Variants in ZFHX3 observed in about 807,000 individuals in gnomAD.
ZFHX3 encodes zinc finger homeobox 3.
In ZFHX3, 42 loss-of-function variants were observed where a neutral mutation model predicts 279.1. The observed-to-expected ratio is 0.15, with a 90% CI of 0.12 to 0.19. The LOEUF (loss-of-function observed/expected upper bound fraction) is 0.19, where lower values mean the gene tolerates loss of function less well. Among genes scored for constraint, ZFHX3 ranks in the 10% least tolerant of loss-of-function variants. The probability of loss-of-function intolerance (pLI) is 1.00; values close to 1 mark genes in which losing one functional copy is unlikely to be tolerated. For missense variants in ZFHX3, 4,981 were observed against 4,754.0 expected, an observed-to-expected ratio of 1.05 and a Z score of -1.40; for synonymous variants, 2,293 against 1,957.8, an observed-to-expected ratio of 1.17 and a Z score of -4.52.
chr16:73,415,203 T>C (rs541341624), intron 3 of ZFHX3, among the ~76,000 whole-genome samples: 145 of 152,324 alleles, frequency 9.5e-4, no homozygotes, highest in Middle Eastern at 3.4e-3. Flanking sequence ...TAATTTCTAA[T>C]TGTATATTTA....
intron 1 of ZFHX3, among the ~76,000 whole-genome samples, chr16:72,971,040 T>A (rs73592761): frequency 0.19 from 28,406 of 152,136 alleles, 2,927 homozygotes; most frequent in Non-Finnish European, 0.23. Context: ...TTTCGGGCTT[T>A]TTTCCTCTGC....
intron 5 of ZFHX3, among the ~76,000 whole-genome samples, chr16:73,243,741 G>A (rs982554710): frequency 7.6e-5 from 11 of 145,242 alleles, no homozygotes; most frequent in African/African-American, 2.1e-4. Context: ...TATCCAACAC[G>A]TTTTGTGTGT....
At chr16:73,802,096 A>G (rs901382925) in intron 1 of ZFHX3, among the ~76,000 whole-genome samples, 5 of 152,204 alleles carry the variant, frequency 3.3e-5, no homozygotes, top group Non-Finnish European at 7.3e-5. Context: ...GTGATGTACC[A>G]AAGTCCTTAA....
At chr16:73,399,726 T>C (rs1567472097) in intron 3 of ZFHX3, among the ~76,000 whole-genome samples, 1 of 152,112 alleles carries the variant, frequency 6.6e-6, no homozygotes, top group Non-Finnish European at 1.5e-5. Context: ...AGATGTGTCA[T>C]TCCAGCATCA....
intron 2 of ZFHX3, among the ~76,000 whole-genome samples, chr16:73,597,501 A>G (rs2052062890): frequency 6.6e-6 from 1 of 152,220 alleles, no homozygotes; most frequent in African/African-American, 2.4e-5. Flanking sequence ...GGGACTTTGA[A>G]GACGTAATTA....
intron 1 of ZFHX3, among the ~76,000 whole-genome samples, chr16:73,734,714 C>T (rs533293905): frequency 2.0e-5 from 3 of 151,928 alleles, no homozygotes; most frequent in South Asian, 4.2e-4. Context: ...CTATGAAAAA[C>T]GTAGAAAATT....
chr16:72,862,003 G>A (rs142002169), intron 4 of ZFHX3, among the ~76,000 whole-genome samples: 33 of 152,198 alleles, frequency 2.2e-4, no homozygotes, highest in African/African-American at 4.1e-4. Flanking sequence ...CAACAGAGCA[G>A]GACTCCATCT....
intron 4 of ZFHX3, among the ~76,000 whole-genome samples, chr16:72,873,159 A>G (rs7500397): frequency 1.3e-5 from 2 of 151,992 alleles, no homozygotes; most frequent in African/African-American, 4.8e-5. Context: ...CGTATTTTTC[A>G]CATCCTTCCA....
chr16:73,473,427 G>A (rs1221042442), intron 2 of ZFHX3, among the ~76,000 whole-genome samples: 1 of 151,826 alleles, frequency 6.6e-6, no homozygotes, highest in East Asian at 1.9e-4. Flanking sequence ...CATTTGAATG[G>A]GAGGGGAGGC....
chr16:72,959,346 G>C lies in ZFHX3; in HGVS notation c.800C>G (p.Ser267Cys). 6.2e-7 allele frequency: 1 copy of C among 1,614,232 alleles called. No homozygotes were observed. The change falls in exon 2 of 10, where the codon TCC becomes TGC. Residue 267 changes from serine to cysteine, a missense_variant. This residue lies in a region of ZFHX3 where 1,068 missense variants were observed against 935.2 expected (regional missense o/e 1.14). Coordinates refer to ENST00000268489, the MANE Select transcript of ZFHX3 (RefSeq NM_006885.4). ...ATAGAGCACAAAGCCATCGAATTTG[G>C]ACAGGTCCACATTGTTGGGAACATC... is the stretch of plus-strand genomic sequence containing the variant. ...SKDVPNNVDL[S>C]KFDGFVLYGK...
chr16:72,840,924 T>C (rs978533755), intron 4 of ZFHX3, among the ~76,000 whole-genome samples: 9 of 152,212 alleles, frequency 5.9e-5, no homozygotes, highest in African/African-American at 1.9e-4. Context: ...CAGGCCAGCT[T>C]GAGGCAATGC....
chr16:73,263,892 C>A (rs756705633), intron 4 of ZFHX3, among the ~76,000 whole-genome samples: 1 of 152,176 alleles, frequency 6.6e-6, no homozygotes, highest in Non-Finnish European at 1.5e-5. Flanking sequence ...GATGGCCAGG[C>A]GCAGTGGCTC....
chr16:72,991,581 T>G (rs1271858245), intron 1 of ZFHX3, among the ~76,000 whole-genome samples: 1 of 152,234 alleles, frequency 6.6e-6, no homozygotes, highest in Non-Finnish European at 1.5e-5. Flanking sequence ...AGATGCTTAA[T>G]AGGGGTTAGC....
chr16:73,644,997 C>G (rs764022465), intron 2 of ZFHX3, among the ~76,000 whole-genome samples: 3 of 152,120 alleles, frequency 2.0e-5, no homozygotes, highest in East Asian at 1.9e-4. Flanking sequence ...TGCTGAATAC[C>G]TGATTCACTG....
At chr16:73,239,963 GA>G (rs1192455853) in intron 5 of ZFHX3, among the ~76,000 whole-genome samples, 3 of 152,086 alleles carry the variant, frequency 2.0e-5, no homozygotes, top group Middle Eastern at 6.8e-3. Context: ...TTTCATCAAT[GA>G]ATCAATACAG....
intron 2 of ZFHX3, among the ~76,000 whole-genome samples, chr16:73,644,083 A>G (rs2052596798): frequency 1.3e-5 from 2 of 151,978 alleles, no homozygotes; most frequent in Admixed American, 6.6e-5. Context: ...TCCACCCACC[A>G]CAAACAACAT....
intron 1 of ZFHX3, among the ~76,000 whole-genome samples, chr16:73,727,405 A>T (rs1331790432): frequency 6.6e-6 from 1 of 152,226 alleles, no homozygotes; most frequent in Admixed American, 6.5e-5. Context: ...ACAACCTTCC[A>T]TGAAAGGGTG....
chr16:73,385,948 C>A (rs1301421538), intron 3 of ZFHX3, among the ~76,000 whole-genome samples: 1 of 152,038 alleles, frequency 6.6e-6, no homozygotes, highest in Non-Finnish European at 1.5e-5. Flanking sequence ...ATGCCCCGAA[C>A]CCCAGTGGAA....
chr16:72,830,135 G>A (rs1019873372), intron 4 of ZFHX3, among the ~76,000 whole-genome samples: 1 of 152,160 alleles, frequency 6.6e-6, no homozygotes, highest in African/African-American at 2.4e-5. Context: ...TGAATGCTTC[G>A]CTTGAGTAGT....
Sources: allele counts gnomAD v4.1 joint callset (sites outside exome capture counted in the v4.1 genomes callset), GRCh38; gene constraint gnomAD v4.1.1; regional missense constraint gnomAD v4.1.1; transcripts MANE v1.5; gene names NCBI Gene and HGNC (gene_info 2026-07-23, HGNC 2026-07-21).